The following MCC variants were observed in gnomAD, a reference collection of about 807,000 sequenced individuals.
MCC encodes the protein colorectal mutant cancer protein.
Under a neutral mutation model 116.2 loss-of-function variants are expected in MCC, and 90 were observed. That is an observed-to-expected ratio of 0.77 (90% CI 0.65 to 0.92). The LOEUF is 0.92. Ranked by LOEUF, MCC falls within the 40% of genes least tolerant of loss-of-function variation. MCC has a pLI of 0.00. For missense variants in MCC, 1,516 were observed against 1,312.2 expected, an observed-to-expected ratio of 1.16 and a Z score of -2.40; for synonymous variants, 578 against 510.5, an observed-to-expected ratio of 1.13 and a Z score of -1.78.
intron 3 of MCC, among the ~76,000 whole-genome samples, chr5:113,233,995 G>A (rs1162617005): frequency 1.3e-5 from 2 of 152,110 alleles, no homozygotes; most frequent in Non-Finnish European, 2.9e-5. Context: ...ACTCTCTACC[G>A]CAAACAGTGG....
intron 3 of MCC, among the ~76,000 whole-genome samples, chr5:113,237,163 T>C (rs1206069032): frequency 6.6e-6 from 1 of 152,232 alleles, no homozygotes; most frequent in African/African-American, 2.4e-5. Flanking sequence ...CCACTAAGTA[T>C]CTTGCTTCTC....
chr5:113,410,589 T>C (rs933124429), intron 1 of MCC, among the ~76,000 whole-genome samples: 1 of 152,218 alleles, frequency 6.6e-6, no homozygotes, highest in Non-Finnish European at 1.5e-5. Context: ...GTGCTACATC[T>C]GCATAATGAA....
At chr5:113,427,684 T>G (rs562575307) in intron 1 of MCC, among the ~76,000 whole-genome samples, 1 of 152,330 alleles carries the variant, frequency 6.6e-6, no homozygotes, top group East Asian at 1.9e-4. Flanking sequence ...TTTTACTCCC[T>G]GCAAGTCTTG....
chr5:113,247,286 C>T (rs564720862), intron 3 of MCC, among the ~76,000 whole-genome samples: 10 of 152,130 alleles, frequency 6.6e-5, no homozygotes, highest in Non-Finnish European at 1.5e-4. Context: ...AAAGAGTAGA[C>T]AACTAAGGTA....
At chr5:113,194,235 C>T (rs1300313767) in intron 3 of MCC, among the ~76,000 whole-genome samples, 1 of 152,194 alleles carries the variant, frequency 6.6e-6, no homozygotes, top group Admixed American at 6.5e-5. Context: ...AGCAGGGGGA[C>T]ATGGTGATAA....
intron 3 of MCC, among the ~76,000 whole-genome samples, chr5:113,195,821 T>C (rs1192764169): frequency 1.3e-5 from 2 of 152,204 alleles, no homozygotes; most frequent in Non-Finnish European, 2.9e-5. Context: ...GTGTTCCAAA[T>C]ACCACCATCT....
chr5:113,269,766 A>C (rs1765544847), intron 3 of MCC, among the ~76,000 whole-genome samples: 1 of 152,208 alleles, frequency 6.6e-6, no homozygotes, highest in Admixed American at 6.5e-5. Context: ...AATCAGGGGA[A>C]ACAAATGGCA....
intron 16 of MCC, among the ~76,000 whole-genome samples, chr5:113,043,968 T>A (rs1420712520): frequency 3.3e-5 from 5 of 149,588 alleles, no homozygotes; most frequent in Non-Finnish European, 7.4e-5. Flanking sequence ...ACTATCATTA[T>A]CTCCATTTTA....
chr5:113,434,353 G>A lies in MCC; in HGVS notation c.171-49141C>T, dbSNP rs139028259. ...AATGCCATTCGACCACTGTCATCCC[G>A]CAGGCAGCGCTTGGAGAAGCTGAAG... On this transcript the variant is annotated intron_variant, in intron 1 of 18. Transcript: ENST00000408903. This position sits in a 1 kb window ranked among gnomAD's most constrained non-coding sequence, Gnocchi z 4.2. 5.6e-5 allele frequency: 91 copies of A among 1,613,690 alleles called. No homozygotes were observed. In the Middle Eastern group the frequency reaches 6.6e-4, roughly 12 times the overall value.
At chr5:113,150,810 C>T (rs1759813616) in intron 4 of MCC, among the ~76,000 whole-genome samples, 1 of 152,022 alleles carries the variant, frequency 6.6e-6, no homozygotes, top group Non-Finnish European at 1.5e-5. Context: ...GCCTGTAATC[C>T]CAGCACTTTA....
intron 3 of MCC, among the ~76,000 whole-genome samples, chr5:113,299,759 A>C (rs2150364332): frequency 6.6e-6 from 1 of 152,348 alleles, no homozygotes; most frequent in Middle Eastern, 3.4e-3. Flanking sequence ...AGCAGGGATT[A>C]AGCTCCTATG....
At chr5:113,225,640 A>C (rs557475740) in intron 3 of MCC, among the ~76,000 whole-genome samples, 1 of 152,306 alleles carries the variant, frequency 6.6e-6, no homozygotes, top group South Asian at 2.1e-4. Context: ...ACACAATTAC[A>C]GTAAGAGGAT....
intron 5 of MCC, among the ~76,000 whole-genome samples, chr5:113,138,412 G>A (rs1758972107): frequency 6.6e-6 from 1 of 152,144 alleles, no homozygotes; most frequent in Non-Finnish European, 1.5e-5. Context: ...CATGAGGGTG[G>A]GGTCCTCATG....
chr5:113,210,553 G>A (rs186005481), intron 3 of MCC, among the ~76,000 whole-genome samples: 111 of 152,324 alleles, frequency 7.3e-4, no homozygotes, highest in Admixed American at 1.2e-3. Context: ...AAGTACAGGT[G>A]TGATGAGAAA....
chr5:113,327,107 T>C (rs1173873973), intron 3 of MCC, among the ~76,000 whole-genome samples: 1 of 151,952 alleles, frequency 6.6e-6, no homozygotes, highest in African/African-American at 2.4e-5. Context: ...CGGCATTGCT[T>C]GGGAGAGGGG....
Position 113,122,892 on chromosome 5 carries a change from C to A in MCC, c.885-66G>T, listed in dbSNP as rs930978139. The A allele has an allele frequency of 2.6e-6, 4 of 1,509,700 alleles. No homozygotes were observed. The African/African-American group carries it at 5.5e-5, about 21-fold the overall frequency. 93.5% of individuals were successfully genotyped at this position (1,509,700 alleles called of 1,614,324 possible). A position where few individuals can be genotyped will look rare whatever the true frequency, so the allele number is the denominator to read the frequency against. ...TAAGACAACCCCCTAGAGAATATGT[C>A]TTTTAAGGACAAGAAAAAGACATTG... On this transcript the variant is annotated intron_variant, in intron 5 of 18. Transcript: ENST00000408903.
At chr5:113,189,487 C>T (rs146394469) in intron 3 of MCC, among the ~76,000 whole-genome samples, 2 of 152,274 alleles carry the variant, frequency 1.3e-5, no homozygotes, top group African/African-American at 4.8e-5. Context: ...AAAACTGAGT[C>T]CGAGAATTTA....
chr5:113,169,252 G>GA (rs928666565), intron 3 of MCC, among the ~76,000 whole-genome samples: 1 of 152,148 alleles, frequency 6.6e-6, no homozygotes, highest in African/African-American at 2.4e-5. Context: ...TATACATGGA[G>GA]ATAACCATTA....
intron 1 of MCC, among the ~76,000 whole-genome samples, chr5:113,410,300 A>G (rs1769948138): frequency 6.6e-6 from 1 of 152,232 alleles, no homozygotes; most frequent in Non-Finnish European, 1.5e-5. Flanking sequence ...TATCTATACA[A>G]TGGATACAAT....
Sources: gnomAD v4.1 joint callset for allele counts (sites outside exome capture counted in the v4.1 genomes callset) on GRCh38, gnomAD v4.1.1 for gene constraint, Gnocchi (gnomAD v3.1) non-coding constraint, MANE v1.5 for transcripts, NCBI Gene and HGNC (gene_info 2026-07-23, HGNC 2026-07-21) for gene names.